Variants in MAX observed in about 807,000 individuals in gnomAD.
The protein encoded by MAX is MYC associated transcriptional regulator X.
MAX carries 3 observed loss-of-function variants against 22.3 expected under a neutral mutation model. The observed-to-expected ratio is 0.13, with a 90% CI of 0.06 to 0.35. The LOEUF is 0.35. Ranked by LOEUF, MAX falls within the 10% of genes least tolerant of loss-of-function variation. The pLI, the probability that MAX is intolerant of heterozygous loss-of-function variation, is 1.00. For synonymous variants in MAX, 72 were observed against 77.7 expected (o/e 0.93, Z 0.39); for missense variants, 119 against 209.4 (o/e 0.57, Z 2.66).
Position 65,080,799 on chromosome 14 carries a change from T to G in MAX, c.172-2763A>C, listed in dbSNP as rs192289823. On this transcript the variant is annotated intron_variant, in intron 3 of 4. Coordinates refer to ENST00000358664, the MANE Select transcript of MAX (RefSeq NM_002382.5). ...CCGGGACAAGGGAAAAAATGCACAA[T>G]CTCTGAAACCAGAGAGCACTTGCAA... Among the ~76,000 whole-genome samples the G allele has an allele frequency of 1.6e-3, 250 of 152,356 alleles. 1 individual carries two copies. Among genetic ancestry groups the G allele is most frequent in the African/African-American group, 5.9e-3 (245 of 41,578 alleles).
chr14:65,016,307 C>T (rs1171567873), intron 3 of MAX, among the ~76,000 whole-genome samples: 1 of 152,228 alleles, frequency 6.6e-6, no homozygotes, highest in Non-Finnish European at 1.5e-5. Context: ...CGTGATCTGG[C>T]ATCTCATTCC....
At chr14:65,046,969 G>T (rs1482545095) in intron 3 of MAX, among the ~76,000 whole-genome samples, 1 of 151,996 alleles carries the variant, frequency 6.6e-6, no homozygotes, top group African/African-American at 2.4e-5. Flanking sequence ...AAGCAAAAAG[G>T]TGCGAAAAAT....
At position 65,076,175 on chromosome 14, in the gene MAX, G is replaced by C; in HGVS notation, c.*301C>G. 7.2e-7 allele frequency: 1 copy of C among 1,383,990 alleles called. No homozygotes were observed. The highest frequency in any genetic ancestry group is 9.3e-7 in the Non-Finnish European group (1 of 1,070,422). 85.7% of individuals were successfully genotyped at this position (1,383,990 alleles called of 1,614,324 possible). On this transcript the variant is annotated 3_prime_UTR_variant, in exon 5 of 5. Coordinates refer to ENST00000358664, the MANE Select transcript of MAX (RefSeq NM_002382.5). The surrounding 1 kb of genome is among the most constrained non-coding windows in gnomAD (Gnocchi z 6.6). Reference sequence around the variant, plus strand: ...CAGGACACTATGTGCTCAGAGGTCCGGCCGGCCGTCTGTCCTCCACAGAAA... The same window carrying C: ...CAGGACACTATGTGCTCAGAGGTCCCGCCGGCCGTCTGTCCTCCACAGAAA...
chr14:65,027,274 A>C lies in MAX; in HGVS notation c.172-20990T>G. On this transcript the variant is annotated intron_variant, in intron 3 of 3. Transcript: ENST00000341653. The surrounding 1 kb of genome is among the most constrained non-coding windows in gnomAD (Gnocchi z 5.7). The stretch of plus-strand genomic sequence containing the variant: ...GAGGAGGGCAGACAGAAATGATGAT[A>C]GCTGGAGAGAGAATTAAGCCCTTTG... 1.1e-6 allele frequency: 1 copy of C among 925,970 alleles called. No homozygotes were observed. The highest frequency in any genetic ancestry group is 1.7e-5 in the African/African-American group (1 of 60,474). The allele number at this position is 925,970 out of a possible 1,614,324, so 57.4% of individuals were successfully genotyped here.
intron 3 of MAX, among the ~76,000 whole-genome samples, chr14:65,043,539 C>T (rs1454461693): frequency 6.6e-6 from 1 of 152,088 alleles, no homozygotes. Flanking sequence ...AATGTAGTAC[C>T]AGGCCGGGCA....
chr14:65,078,826 G>T lies in MAX; in HGVS notation c.172-790C>A, dbSNP rs1171827208. 6.6e-6 allele frequency among the ~76,000 whole-genome samples: 1 copy of T among 152,048 alleles called. No homozygotes were observed. The highest frequency in any genetic ancestry group is 2.4e-5 in the African/African-American group (1 of 41,300). ...ATTACAGGCGTGAGCCACTGCATCC[G>T]TGAAGGCCTTCTTTGTGACATACAA... On this transcript the variant is annotated intron_variant, in intron 3 of 4. Coordinates refer to ENST00000358664, the MANE Select transcript of MAX (RefSeq NM_002382.5). The surrounding 1 kb of genome is among the most constrained non-coding windows in gnomAD (Gnocchi z 6.4).
At chr14:65,015,532 C>A in intron 3 of MAX, 4 of 1,356,628 alleles carry the variant, frequency 2.9e-6, no homozygotes, top group Non-Finnish European at 3.1e-6. Context: ...TCCCCCTTGC[C>A]AGGCTGCTGG....
At chr14:65,085,770 G>A (rs1476049788) in intron 3 of MAX, among the ~76,000 whole-genome samples, 1 of 152,176 alleles carries the variant, frequency 6.6e-6, no homozygotes. Context: ...TAGGCCTTGT[G>A]AGCAGGGCTC....
Position 65,062,655 on chromosome 14 carries a change from A to T in MAX, c.171+31053T>A, listed in dbSNP as rs999880154. ...TAATAAAAGAATAACATTTTCTATG[A>T]TGTCTCTTATTTGTGATCTGTACCA... On this transcript the variant is annotated intron_variant, in intron 3 of 3. Transcript: ENST00000341653. The surrounding 1 kb of genome is among the most constrained non-coding windows in gnomAD (Gnocchi z 4.3). 1 of 152,604 alleles carries T rather than the reference A, an allele frequency of 6.6e-6. No homozygotes were observed. The highest frequency in any genetic ancestry group is 2.4e-5 in the African/African-American group (1 of 41,446). The allele number at this position is 152,604 out of a possible 1,614,324, so 9.5% of individuals were successfully genotyped here. A position where few individuals can be genotyped will look rare whatever the true frequency, so the allele number is the denominator to read the frequency against.
chr14:65,048,989 G>C (rs991769131), intron 3 of MAX, among the ~76,000 whole-genome samples: 3 of 151,978 alleles, frequency 2.0e-5, no homozygotes, highest in African/African-American at 7.2e-5. Flanking sequence ...AGCCAGGCAT[G>C]GTGCCACGTT....
intron 3 of MAX, among the ~76,000 whole-genome samples, chr14:65,059,659 T>C (rs982923785): frequency 2.0e-5 from 3 of 152,086 alleles, no homozygotes; most frequent in African/African-American, 7.2e-5. Flanking sequence ...TATCCCACAG[T>C]GGGAGAATCC....
intron 3 of MAX, among the ~76,000 whole-genome samples, chr14:65,039,945 T>A (rs1272571444): frequency 6.6e-6 from 1 of 152,116 alleles, no homozygotes. Flanking sequence ...TCCCAACGCT[T>A]TGGGATGCTG....
chr14:65,059,771 ATT>A (rs771050811), intron 3 of MAX, among the ~76,000 whole-genome samples: 10 of 151,288 alleles, frequency 6.6e-5, no homozygotes, highest in South Asian at 2.1e-4. Context: ...TCATATTTAA[ATT>A]TTGTTTATAT....
intron 3 of MAX, among the ~76,000 whole-genome samples, chr14:65,092,557 T>G (rs995100157): frequency 6.6e-6 from 1 of 152,182 alleles, no homozygotes; most frequent in African/African-American, 2.4e-5. Flanking sequence ...TACCTTGGTT[T>G]AAGGTCATTA....
chr14:65,021,398 T>A (rs893494769), intron 3 of MAX, among the ~76,000 whole-genome samples: 1 of 152,240 alleles, frequency 6.6e-6, no homozygotes, highest in African/African-American at 2.4e-5. Flanking sequence ...TGTTAGTAGC[T>A]TATCCCCGGA....
intron 3 of MAX, among the ~76,000 whole-genome samples, chr14:65,026,649 C>G (rs912970959): frequency 6.6e-6 from 1 of 152,100 alleles, no homozygotes. Flanking sequence ...CACTTGAGGT[C>G]AGGTAGTTCA....
At chr14:65,015,496 T>G in intron 3 of MAX, 6 of 617,408 alleles carry the variant, frequency 9.7e-6, no homozygotes, top group Admixed American at 3.0e-5. Flanking sequence ...TATTCACTGA[T>G]TGTTGTTTGA....
In MAX at chr14:65,015,560, C is replaced by G. The variant is rs1429679484; in HGVS notation, c.172-9276G>C. ...GCTGCTGGGAGTGAGACAGATACAGCCTTGGCAGCAGTGTCTTGGAGTGAT... is the reference window on the plus strand; with the variant it reads ...GCTGCTGGGAGTGAGACAGATACAGGCTTGGCAGCAGTGTCTTGGAGTGAT... On this transcript the variant is annotated intron_variant, in intron 3 of 3. Transcript: ENST00000341653. 3 of 1,573,828 alleles carry G rather than the reference C, an allele frequency of 1.9e-6. No individual in the cohort carries two copies. In the East Asian group the frequency reaches 6.7e-5, roughly 35 times the overall value.
chr14:65,053,367 G>A (rs764068268), intron 3 of MAX: 4 of 1,403,564 alleles, frequency 2.8e-6, no homozygotes, highest in Non-Finnish European at 3.7e-6. Context: ...TTTTCTCTCT[G>A]GGGAGGGAAG....
Sources: allele counts gnomAD v4.1 joint callset (sites outside exome capture counted in the v4.1 genomes callset), GRCh38; gene constraint gnomAD v4.1.1; non-coding constraint Gnocchi (gnomAD v3.1); transcripts MANE v1.5; gene names NCBI Gene and HGNC (gene_info 2026-07-23, HGNC 2026-07-21).